The following GUCD1 variants were observed in gnomAD, a reference collection of about 807,000 sequenced individuals.
The protein encoded by GUCD1 is protein GUCD1.
In GUCD1, 17 loss-of-function variants were observed where a neutral mutation model predicts 28.3. The observed-to-expected ratio is 0.60, with a 90% CI of 0.41 to 0.90. The LOEUF (loss-of-function observed/expected upper bound fraction) is 0.90, where lower values mean the gene tolerates loss of function less well. Among genes scored for constraint, GUCD1 ranks in the 40% least tolerant of loss-of-function variants. The pLI is 0.00. For synonymous variants in GUCD1, 129 were observed against 123.3 expected (o/e 1.05, Z -0.30); for missense variants, 279 against 305.5 (o/e 0.91, Z 0.65).
intron 5 of GUCD1, 74 bp from the exon 6 acceptor site, chr22:24,543,171 A>AG (rs1404518354): frequency 9.5e-7 from 1 of 1,053,368 alleles, no homozygotes; most frequent in Admixed American, 1.7e-5. Flanking sequence ...CACAGTGCCC[A>AG]GGGGAGCTGA....
At chr22:24,546,088 A>G (rs1049177914) in intron 4 of GUCD1, among the ~76,000 whole-genome samples, 4 of 151,966 alleles carry the variant, frequency 2.6e-5, no homozygotes, top group Admixed American at 6.6e-5. Flanking sequence ...CAGCCTCCCG[A>G]GTAGCTGGGA....
At position 24,547,820 on chromosome 22, in the gene GUCD1, GACTGTT is replaced by G. The variant is rs2044766113; in HGVS notation, c.294+82_294+87del. On this transcript the variant is annotated intron_variant, in intron 3 of 5. Transcript: ENST00000435822. Reference sequence around the variant, plus strand: ...GTATCTACCTGGGTGTCTAGCCCTTGACTGTTCCCTCTTCCAACTACTGGAACCAGG... The same window carrying G: ...GTATCTACCTGGGTGTCTAGCCCTTGCCCTCTTCCAACTACTGGAACCAGG... 5.7e-6 allele frequency: 8 copies of G among 1,413,476 alleles called. No individual in the cohort carries two copies. The South Asian group carries it at 9.8e-5, about 17-fold the overall frequency. 87.6% of individuals were successfully genotyped at this position (1,413,476 alleles called of 1,614,324 possible). A position where few individuals can be genotyped will look rare whatever the true frequency, so the allele number is the denominator to read the frequency against.
At chr22:24,549,174 T>G (rs1180823429) in intron 1 of GUCD1, among the ~76,000 whole-genome samples, 173 bp from the exon 2 acceptor site, 1 of 152,086 alleles carries the variant, frequency 6.6e-6, no homozygotes, top group Non-Finnish European at 1.5e-5. Context: ...AGCAGTGATC[T>G]CCCCAAAACA....
chr22:24,546,968 CG>C lies in GUCD1; in HGVS notation c.331del (p.Arg111GlyfsTer2), dbSNP rs2044744051. ...TGCTTGTGCAAACAGCTGATTCACCCGGGTCTCTTCTGTGTCAAAGTGCTTC... is the reference window on the plus strand; with the variant it reads ...TGCTTGTGCAAACAGCTGATTCACCCGGTCTCTTCTGTGTCAAAGTGCTTC... Reference protein sequence around the residue: ...YRKHFDTEETRVNQLFAQAKA... With the variant: ...YRKHFDTEETXVNQLFAQAKA... On this transcript the variant is annotated frameshift_variant, in exon 4 of 6. Transcript: ENST00000435822. LOFTEE classifies it high-confidence loss of function. 6.2e-7 allele frequency: 1 copy of C among 1,614,098 alleles called. No individual in the cohort carries two copies. The highest frequency in any genetic ancestry group is 8.5e-7 in the Non-Finnish European group (1 of 1,180,024).
rs1032523435 is a variant in GUCD1 at position 24,547,926 on chromosome 22, G to A, written c.276C>T (p.Asp92=). 1.9e-6 allele frequency: 3 copies of A among 1,614,014 alleles called. No homozygotes were observed. In the African/African-American group the frequency reaches 4.0e-5, roughly 22 times the overall value. Residue 92 remains aspartate, a synonymous_variant, in exon 3 of 6, where the codon GAC becomes GAT. Coordinates refer to ENST00000435822, the MANE Select transcript of GUCD1 (RefSeq NM_001284254.2). ...CGCTCACCTGGTTCTTGTAGCCCTT[G>A]TCGACACCCAGGGTCTGGGTACAGA... is the stretch of plus-strand genomic sequence containing the variant. ...HRFCTQTLGV[D]KGYKNQSFYR...
Position 24,544,010 on chromosome 22 carries a change from C to G in GUCD1, c.460G>C (p.Val154Leu), listed in dbSNP as rs145930109. The G allele has an allele frequency of 2.0e-5, 32 of 1,613,986 alleles. No individual in the cohort carries two copies. Among genetic ancestry groups the G allele is most frequent in the Non-Finnish European group, 2.5e-5 (30 of 1,179,956 alleles). Residue 154 changes from valine (V) to leucine (L), a missense_variant, in exon 5 of 6, where the codon GTG (valine) becomes CTG (leucine). Physicochemically the swap from Val to Leu is conservative, Grantham distance 32 (BLOSUM62 1). Coordinates refer to ENST00000435822, the MANE Select transcript of GUCD1 (RefSeq NM_001284254.2). The part of the protein sequence containing the change: ...HVAIVLVNSG[V>L]LHCDLCSSPV... ...CTGGAGCACAGGTCACAGTGCAGCA[C>G]CCCCGAGTTCACCAGCACGATGGCC...
At chr22:24,551,725 C>T (rs1349448015) in intron 1 of GUCD1, among the ~76,000 whole-genome samples, 3 of 152,186 alleles carry the variant, frequency 2.0e-5, no homozygotes, top group Non-Finnish European at 4.4e-5. Flanking sequence ...GCATCCTATT[C>T]GTTTCCTTCA....
chr22:24,552,294 C>G (rs1254535027), intron 1 of GUCD1, among the ~76,000 whole-genome samples: 1 of 152,014 alleles, frequency 6.6e-6, no homozygotes, highest in African/African-American at 2.4e-5. Context: ...AGACCTCCAT[C>G]TCCAAAAAAG....
Position 24,547,919 on chromosome 22 carries a change from A to T in GUCD1, c.283T>A (p.Tyr95Asn), listed in dbSNP as rs1406920847. The T allele has an allele frequency of 1.9e-6, 3 of 1,614,108 alleles. No homozygotes were observed. Among genetic ancestry groups the T allele is most frequent in the Non-Finnish European group, 2.5e-6 (3 of 1,179,998 alleles). ...GGCTGGTCGCTCACCTGGTTCTTGT[A>T]GCCCTTGTCGACACCCAGGGTCTGG... ...CTQTLGVDKG[Y>N]KNQSFYRKHF... Residue 95 changes from tyrosine (Y) to asparagine (N), a missense_variant, in exon 3 of 6, where the codon TAC becomes AAC. By Grantham distance (143) the Tyr-to-Asn change is moderately radical. Coordinates refer to ENST00000435822, the MANE Select transcript of GUCD1 (RefSeq NM_001284254.2).
chr22:24,547,289 C>A, intron 3 of GUCD1: 1 of 409,560 alleles, frequency 2.4e-6, no homozygotes, highest in Non-Finnish European at 4.6e-6. Context: ...CACCCTTGGG[C>A]TTGTACACTC....
upstream of GUCD1, chr22:24,555,429 C>A: frequency 8.6e-7 from 1 of 1,169,176 alleles, no homozygotes; most frequent in Non-Finnish European, 1.2e-6. Flanking sequence ...GCAAGCCCCG[C>A]CTCTGCCGGG....
At chr22:24,548,794 G>T in intron 2 of GUCD1, 123 bp downstream of exon 2, 1 of 691,532 alleles carries the variant, frequency 1.4e-6, no homozygotes, top group Non-Finnish European at 2.5e-6. Context: ...TAGAAGCTTG[G>T]CCTCCTGCAA....
rs1206119897 is a variant in GUCD1, at chr22:24,555,055, T to TG, written c.-65dup. 1.5e-6 allele frequency: 2 copies of TG among 1,364,538 alleles called. No individual in the cohort carries two copies. Among genetic ancestry groups the TG allele is most frequent in the Non-Finnish European group, 1.9e-6 (2 of 1,054,698 alleles). 84.5% of individuals were successfully genotyped at this position (1,364,538 alleles called of 1,614,324 possible). On this transcript the variant is annotated 5_prime_UTR_variant, in exon 1 of 6. Coordinates refer to ENST00000435822, the MANE Select transcript of GUCD1 (RefSeq NM_001284254.2). Reference sequence around the variant, plus strand: ...AGCGGGCTACAGCTTCCGCTTCGGCTGGGGCGGGAGGGCGGTCGGTGCGTG... The same window carrying TG: ...AGCGGGCTACAGCTTCCGCTTCGGCTGGGGGCGGGAGGGCGGTCGGTGCGTG...
intron 2 of GUCD1, among the ~76,000 whole-genome samples, chr22:24,548,520 C>T (rs1418992249): frequency 6.6e-6 from 1 of 152,200 alleles, no homozygotes; most frequent in Non-Finnish European, 1.5e-5. Flanking sequence ...TACAAGGTGA[C>T]GGCTACAGTC....
At chr22:24,549,392 C>A (rs2044812566) in intron 1 of GUCD1, among the ~76,000 whole-genome samples, 1 of 152,138 alleles carries the variant, frequency 6.6e-6, no homozygotes, top group Non-Finnish European at 1.5e-5. Flanking sequence ...TAACTCCTGC[C>A]CTTGGATGTC....
upstream of GUCD1, chr22:24,555,832 T>C (rs1020292741): frequency 5.8e-6 from 9 of 1,543,988 alleles, no homozygotes; most frequent in Non-Finnish European, 7.8e-6. Flanking sequence ...TCATCAGCCC[T>C]CTTTTCCGGT....
intron 4 of GUCD1, among the ~76,000 whole-genome samples, chr22:24,546,114 A>G (rs1244752688): frequency 6.6e-6 from 1 of 151,776 alleles, no homozygotes; most frequent in Non-Finnish European, 1.5e-5. Flanking sequence ...GGCGCCTGCC[A>G]CCACGCCCGA....
intron 3 of GUCD1, 95 bp from the exon 4 acceptor site, chr22:24,547,100 A>G: frequency 2.0e-6 from 2 of 984,292 alleles, no homozygotes; most frequent in Non-Finnish European, 3.2e-6. Flanking sequence ...AGAGGCAGAG[A>G]CAGCAGGAGG....
upstream of GUCD1, chr22:24,555,451 T>C: frequency 8.8e-7 from 1 of 1,141,512 alleles, no homozygotes; most frequent in Non-Finnish European, 1.2e-6. Flanking sequence ...CCCGCTCTTT[T>C]GCCAGTCCTA....
Sources: gnomAD v4.1 joint callset for allele counts (sites outside exome capture counted in the v4.1 genomes callset) on GRCh38, gnomAD v4.1.1 for gene constraint, MANE v1.5 for transcripts, NCBI Gene and HGNC (gene_info 2026-07-23, HGNC 2026-07-21) for gene names.